Variants in MAGI2 observed in about 807,000 individuals in gnomAD.
The protein encoded by MAGI2 is membrane associated guanylate kinase, WW and PDZ domain containing 2.
A neutral mutation model predicts 133.3 loss-of-function variants in MAGI2; 35 were observed. That is an observed-to-expected ratio of 0.26 (90% CI 0.20 to 0.35). The LOEUF (loss-of-function observed/expected upper bound fraction) is 0.35. Ranked by LOEUF, MAGI2 falls within the 10% of genes least tolerant of loss-of-function variation. The probability of loss-of-function intolerance (pLI) is 1.00; values close to 1 mark genes in which losing one functional copy is unlikely to be tolerated. For missense variants in MAGI2, 1,636 were observed against 1,863.4 expected (o/e 0.88, Z 2.25); for synonymous variants, 729 against 710.6 (o/e 1.03, Z -0.41).
At chr7:78,501,121 A>G (rs752669577) in intron 5 of MAGI2, among the ~76,000 whole-genome samples, 4 of 152,086 alleles carry the variant, frequency 2.6e-5, no homozygotes, top group African/African-American at 4.8e-5. Context: ...AACAACATCA[A>G]TATTTTTTCT....
chr7:78,908,990 G>A (rs1798180820), intron 2 of MAGI2, among the ~76,000 whole-genome samples: 1 of 151,958 alleles, frequency 6.6e-6, no homozygotes, highest in African/African-American at 2.4e-5. Context: ...AAGAGTTTCT[G>A]CACAGCAAAA....
At position 78,245,110 on chromosome 7, in the gene MAGI2, C is replaced by T. The variant is rs757633375; in HGVS notation, c.2047+10833G>A. Among the ~76,000 whole-genome samples the T allele has an allele frequency of 3.3e-5, 5 of 152,022 alleles. No individual in the cohort carries two copies. The East Asian group carries it at 5.8e-4, about 18-fold the overall frequency. Reference sequence around the variant, plus strand: ...AAGCGATTGTTATTTGTAGGTGGTACGCGTGTATGCCCCCAAATACAACAC... The same window carrying T: ...AAGCGATTGTTATTTGTAGGTGGTATGCGTGTATGCCCCCAAATACAACAC... On this transcript the variant is annotated intron_variant, in intron 10 of 21. Coordinates refer to ENST00000354212, the MANE Select transcript of MAGI2 (RefSeq NM_012301.4).
chr7:79,309,202 C>A (rs1006698287), intron 1 of MAGI2, among the ~76,000 whole-genome samples: 1 of 151,856 alleles, frequency 6.6e-6, no homozygotes, highest in African/African-American at 2.4e-5. Flanking sequence ...CTAACAGTCT[C>A]AATATGTGTG....
chr7:78,952,550 C>T (rs4395829), intron 2 of MAGI2, among the ~76,000 whole-genome samples: 2 of 152,100 alleles, frequency 1.3e-5, no homozygotes. Flanking sequence ...ACAAATGTTC[C>T]TATTTTCTTT....
chr7:78,681,678 G>C (rs1465824899), intron 2 of MAGI2, among the ~76,000 whole-genome samples: 2 of 152,048 alleles, frequency 1.3e-5, no homozygotes, highest in Non-Finnish European at 2.9e-5. Context: ...GAGACCTGGG[G>C]AGAAGATAAC....
At chr7:79,132,556 G>C (rs889929898) in intron 1 of MAGI2, among the ~76,000 whole-genome samples, 7 of 152,086 alleles carry the variant, frequency 4.6e-5, no homozygotes, top group African/African-American at 1.7e-4. Context: ...TGGGCACTTA[G>C]GTTGGTTCCA....
intron 1 of MAGI2, among the ~76,000 whole-genome samples, chr7:79,209,597 A>G (rs898952521): frequency 5.3e-5 from 8 of 151,984 alleles, no homozygotes; most frequent in Non-Finnish European, 1.0e-4. Context: ...CTCTGCCCCA[A>G]GGGCACAACT....
intron 3 of MAGI2, among the ~76,000 whole-genome samples, chr7:78,578,509 G>A (rs1995071): frequency 0.8 from 121,992 of 152,042 alleles, 49,098 homozygotes; most frequent in East Asian, 0.9. Flanking sequence ...AATGAAAAAG[G>A]CAAAAGAGGA....
intron 2 of MAGI2, among the ~76,000 whole-genome samples, chr7:78,961,652 CA>C (rs1229034631): frequency 6.6e-6 from 1 of 151,912 alleles, no homozygotes; most frequent in African/African-American, 2.4e-5. Context: ...TTGCAGATAC[CA>C]AAAAAGGTGA....
chr7:78,322,810 A>G (rs1024330750), intron 9 of MAGI2, among the ~76,000 whole-genome samples: 1 of 152,118 alleles, frequency 6.6e-6, no homozygotes, highest in African/African-American at 2.4e-5. Context: ...GTGTTGTTAA[A>G]GTTGTATATG....
At chr7:78,708,496 T>G (rs1818868272) in intron 2 of MAGI2, among the ~76,000 whole-genome samples, 1 of 152,176 alleles carries the variant, frequency 6.6e-6, no homozygotes. Context: ...TTGTTTATAT[T>G]AGTGAACACA....
rs1802085076 is a variant in MAGI2, at chr7:78,574,728, A to G, written c.538+52392T>C. The stretch of plus-strand genomic sequence containing the variant: ...CTAAAATAGAATTATAGTCCTCACC[A>G]CAAGTGGAAAGTGATAAATGTCATT... On this transcript the variant is annotated intron_variant, in intron 3 of 21. Coordinates refer to ENST00000354212, the MANE Select transcript of MAGI2 (RefSeq NM_012301.4). Among the ~76,000 whole-genome samples the G allele has an allele frequency of 4.6e-5, 7 of 152,336 alleles. No individual in the cohort carries two copies. In the South Asian group the frequency reaches 1.4e-3, roughly 32 times the overall value.
chr7:79,387,517 A>G (rs971206032), intron 1 of MAGI2, among the ~76,000 whole-genome samples: 4 of 152,046 alleles, frequency 2.6e-5, no homozygotes, highest in African/African-American at 9.7e-5. Flanking sequence ...TTAAAAAATG[A>G]GGTTTTTTTC....
intron 1 of MAGI2, among the ~76,000 whole-genome samples, chr7:79,042,965 C>A (rs1478011341): frequency 6.6e-6 from 1 of 152,010 alleles, no homozygotes; most frequent in Admixed American, 6.6e-5. Context: ...AATTAAACAA[C>A]CTGCTCCTGA....
chr7:78,487,174 GA>G (rs35515187), intron 6 of MAGI2: 21,675 of 173,584 alleles, frequency 0.12, 1,196 homozygotes, highest in African/African-American at 0.2. Flanking sequence ...GCAGGATGGG[GA>G]AAAAAAAAAA....
rs139909768 is a variant in MAGI2, at chr7:79,179,787, A to G, written c.302-172581T>C. The stretch of plus-strand genomic sequence containing the variant: ...ACAACAATCAACTCAAGGCGGATTA[A>G]AAACTTGAATGTAAGATACAAAACT... On this transcript the variant is annotated intron_variant, in intron 1 of 21. Transcript: ENST00000354212. 2.3e-3 allele frequency among the ~76,000 whole-genome samples: 350 copies of G among 152,198 alleles called. 6 individuals are homozygous for G. Among genetic ancestry groups the G allele is most frequent in the African/African-American group, 7.8e-3 (323 of 41,478 alleles).
chr7:78,604,414 T>C (rs1281661465), intron 3 of MAGI2, among the ~76,000 whole-genome samples: 1 of 152,134 alleles, frequency 6.6e-6, no homozygotes, highest in African/African-American at 2.4e-5. Flanking sequence ...TGCCCGTCCT[T>C]TGTTGATTTG....
intron 9 of MAGI2, among the ~76,000 whole-genome samples, chr7:78,316,289 T>G (rs529942863): frequency 1.3e-5 from 2 of 152,224 alleles, no homozygotes; most frequent in Non-Finnish European, 2.9e-5. Context: ...TGGGTGTATA[T>G]AAATAAGAAT....
At chr7:79,311,900 T>C (rs745826489) in intron 1 of MAGI2, among the ~76,000 whole-genome samples, 13 of 152,186 alleles carry the variant, frequency 8.5e-5, no homozygotes, top group Non-Finnish European at 1.6e-4. Flanking sequence ...TCATATTTCA[T>C]ATCTGGTTCG....
Sources: allele counts gnomAD v4.1 joint callset (sites outside exome capture counted in the v4.1 genomes callset), GRCh38; gene constraint gnomAD v4.1.1; transcripts MANE v1.5; gene names NCBI Gene and HGNC (gene_info 2026-07-23, HGNC 2026-07-21).